The following MIER1 variants were observed in gnomAD, a reference collection of about 807,000 sequenced individuals.
MIER1 encodes mesoderm induction early response protein 1.
Under a neutral mutation model 75.7 loss-of-function variants are expected in MIER1, and 40 were observed. The observed-to-expected ratio is 0.53, with a 90% CI of 0.41 to 0.69. The LOEUF is 0.69. Among genes scored for constraint, MIER1 ranks in the 30% least tolerant of loss-of-function variants. The pLI, the probability that MIER1 is intolerant of heterozygous loss-of-function variation, is 0.00. For missense variants in MIER1, 574 were observed against 680.2 expected, an observed-to-expected ratio of 0.84 and a Z score of 1.74; for synonymous variants, 213 against 223.4, an observed-to-expected ratio of 0.95 and a Z score of 0.42.
At chr1:66,944,282 A>ATTAAGGT (rs1656950561) in intron 3 of MIER1, among the ~76,000 whole-genome samples, 1 of 151,808 alleles carries the variant, frequency 6.6e-6, no homozygotes, top group South Asian at 2.1e-4. Flanking sequence ...ATTAATGTCT[A>ATTAAGGT]ACCATCAACA....
At chr1:66,925,901 G>T (rs1321229396) in intron 1 of MIER1, among the ~76,000 whole-genome samples, 2 of 152,224 alleles carry the variant, frequency 1.3e-5, no homozygotes, top group Non-Finnish European at 2.9e-5. Flanking sequence ...ACCCGGAGTT[G>T]ACTGAACCTT....
chr1:66,986,235 T>C lies in MIER1; in HGVS notation c.*1335T>C. On this transcript the variant is annotated 3_prime_UTR_variant, in exon 14 of 14. Coordinates refer to ENST00000401041, the MANE Select transcript of MIER1 (RefSeq NM_001077700.3). The stretch of plus-strand genomic sequence containing the variant: ...TGAAAATAAGATACACAATAATCAT[T>C]GCTCTGTGTGATTACAGATAGGATT... 7.6e-7 allele frequency: 1 copy of C among 1,322,664 alleles called. No individual in the cohort carries two copies. The highest frequency in any genetic ancestry group is 9.6e-7 in the Non-Finnish European group (1 of 1,038,036). The allele number at this position is 1,322,664 out of a possible 1,614,324, so 81.9% of individuals were successfully genotyped here.
At chr1:66,928,358 G>A (rs764237863) in intron 2 of MIER1, among the ~76,000 whole-genome samples, 42 of 152,124 alleles carry the variant, frequency 2.8e-4, no homozygotes, top group Non-Finnish European at 4.7e-4. Context: ...ATTTCTGTTG[G>A]TAGTTTAACT....
chr1:66,984,758 A>C lies in MIER1; in HGVS notation c.1556A>C (p.Asn519Thr). Residue 519 changes from asparagine to threonine, a missense_variant, in exon 14 of 14, where the codon AAT becomes ACT. Physicochemically the swap from Asn to Thr is moderately conservative, Grantham distance 65 (BLOSUM62 0). Around this residue, in one of 3 missense-constraint regions of MIER1, gnomAD observed 164 missense variants for 154.3 expected, o/e 1.06. Transcript: ENST00000401041. ...GCCCATATGACTGCAAGAAATGAAA[A>C]TGATTTTGATGAAAAAAGTGAGAGA... ...KLAHMTARNE[N>T]DFDEKSERPA... is the part of the protein sequence containing the mutation. 2 of 1,614,046 alleles carry C rather than the reference A, an allele frequency of 1.2e-6. No homozygotes were observed. The highest frequency in any genetic ancestry group is 1.7e-6 in the Non-Finnish European group (2 of 1,179,950).
chr1:66,975,184 A>G (rs1251834886), intron 11 of MIER1, among the ~76,000 whole-genome samples: 2 of 152,318 alleles, frequency 1.3e-5, no homozygotes, highest in African/African-American at 4.8e-5. Flanking sequence ...TTTATGGGAT[A>G]AAGAAGTATA....
chr1:66,954,561 G>T (rs1048956826), intron 4 of MIER1, among the ~76,000 whole-genome samples: 1 of 152,078 alleles, frequency 6.6e-6, no homozygotes, highest in African/African-American at 2.4e-5. Flanking sequence ...TTCTCCATCT[G>T]TGCCAGTTCT....
chr1:66,951,584 T>A (rs1570286192), intron 4 of MIER1, among the ~76,000 whole-genome samples: 1 of 143,450 alleles, frequency 7.0e-6, no homozygotes, highest in East Asian at 2.1e-4. Context: ...TTTTTTTTTT[T>A]AAGTTAATTT....
chr1:66,938,364 T>A (rs1655408251), intron 2 of MIER1, among the ~76,000 whole-genome samples: 1 of 152,206 alleles, frequency 6.6e-6, no homozygotes, highest in African/African-American at 2.4e-5. Flanking sequence ...AATGGAATAA[T>A]TATTCCAGTG....
intron 2 of MIER1, among the ~76,000 whole-genome samples, chr1:66,937,589 AAAAG>A (rs1241258135): frequency 1.5e-5 from 2 of 133,574 alleles, no homozygotes; most frequent in African/African-American, 8.3e-5. Context: ...CATCTCAAAA[AAAAG>A]AAAAGAAAAG....
In MIER1 at chr1:66,986,813, C is replaced by T. The variant is rs982255866; in HGVS notation, c.*1913C>T. ...CCAGAATGGCAGTAGCTTTAGCAAG[C>T]AGATGGTCACAATCTGTTTTCTAAA... On this transcript the variant is annotated 3_prime_UTR_variant, in exon 14 of 14. Transcript: ENST00000401041. The T allele has an allele frequency of 5.2e-6, 1 of 190,834 alleles. No individual in the cohort carries two copies. Among genetic ancestry groups the T allele is most frequent in the African/African-American group, 2.3e-5 (1 of 42,738 alleles). 11.8% of individuals were successfully genotyped at this position (190,834 alleles called of 1,614,324 possible). A position where few individuals can be genotyped will look rare whatever the true frequency, so the allele number is the denominator to read the frequency against.
At chr1:66,935,681 C>T (rs1260717013) in intron 2 of MIER1, among the ~76,000 whole-genome samples, 1 of 152,140 alleles carries the variant, frequency 6.6e-6, no homozygotes, top group Non-Finnish European at 1.5e-5. Flanking sequence ...TCCCTGACCC[C>T]ATTCCCTAGA....
intron 2 of MIER1, among the ~76,000 whole-genome samples, chr1:66,933,438 C>T (rs1653935047): frequency 6.6e-6 from 1 of 152,138 alleles, no homozygotes; most frequent in South Asian, 2.1e-4. Context: ...GGATTTGCTT[C>T]TTTCTATTTA....
chr1:66,951,278 A>G (rs748747420), intron 4 of MIER1, among the ~76,000 whole-genome samples: 9 of 152,056 alleles, frequency 5.9e-5, no homozygotes, highest in Non-Finnish European at 1.0e-4. Flanking sequence ...GTAGGCGTGC[A>G]CCACTATGCC....
chr1:66,936,368 C>A (rs558001647), intron 2 of MIER1, among the ~76,000 whole-genome samples: 1 of 151,340 alleles, frequency 6.6e-6, no homozygotes, highest in South Asian at 2.1e-4. Context: ...TACAGGCGCC[C>A]GCCACCAAAT....
In MIER1 at chr1:66,929,059, T is replaced by C; in HGVS notation, c.168+2817T>C. 6 of 794,882 alleles carry C rather than the reference T, an allele frequency of 7.5e-6. No individual in the cohort carries two copies. The South Asian group carries it at 9.6e-5, about 13-fold the overall frequency. 49.2% of individuals were successfully genotyped at this position (794,882 alleles called of 1,614,324 possible). A position where few individuals can be genotyped will look rare whatever the true frequency, so the allele number is the denominator to read the frequency against. ...TGGACATAACAGTTTCAAATTAACA[T>C]TGAATCTTTGGAAATAGGAAAATGC... is the stretch of plus-strand genomic sequence containing the variant. On this transcript the variant is annotated intron_variant, in intron 2 of 13. Transcript: ENST00000401041.
intron 2 of MIER1, among the ~76,000 whole-genome samples, chr1:66,930,054 C>T (rs1010060993): frequency 2.6e-5 from 4 of 152,142 alleles, no homozygotes; most frequent in Non-Finnish European, 1.5e-5. Context: ...CAGCGAAGCG[C>T]CCCGCGCGGT....
At chr1:66,958,257 T>C in intron 5 of MIER1, 37 bp downstream of exon 5, 3 of 1,399,532 alleles carry the variant, frequency 2.1e-6, no homozygotes, top group East Asian at 2.5e-5. Flanking sequence ...TTGTAGTCTT[T>C]ATTCTTGTTG....
intron 2 of MIER1, among the ~76,000 whole-genome samples, chr1:66,937,847 G>T (rs1212330801): frequency 6.6e-6 from 1 of 152,134 alleles, no homozygotes; most frequent in Non-Finnish European, 1.5e-5. Context: ...TAACTTTAAA[G>T]AATCTAATCT....
intron 4 of MIER1, among the ~76,000 whole-genome samples, chr1:66,949,474 T>C (rs1428524908): frequency 6.6e-6 from 1 of 152,102 alleles, no homozygotes; most frequent in Non-Finnish European, 1.5e-5. Flanking sequence ...TTTATAGAGA[T>C]AGGGAAAAAA....
Sources: allele counts gnomAD v4.1 joint callset (sites outside exome capture counted in the v4.1 genomes callset), GRCh38; gene constraint gnomAD v4.1.1; regional missense constraint gnomAD v4.1.1; transcripts MANE v1.5; gene names NCBI Gene and HGNC (gene_info 2026-07-23, HGNC 2026-07-21).